The following TMEM131L variants were observed in gnomAD, a reference collection of about 807,000 sequenced individuals.
TMEM131L encodes the protein transmembrane 131 like.
TMEM131L carries 54 observed loss-of-function variants against 192.2 expected under a neutral mutation model. The ratio of observed to expected loss-of-function variants is 0.28; its 90% confidence interval spans 0.23 to 0.35. TMEM131L has a LOEUF of 0.35. Ranked by LOEUF, TMEM131L falls within the 10% of genes least tolerant of loss-of-function variation. TMEM131L has a pLI of 1.00. For missense variants in TMEM131L, 1,888 were observed against 1,972.9 expected (o/e 0.96, Z 0.82); for synonymous variants, 701 against 704.9 (o/e 0.99, Z 0.09).
At chr4:153,533,656 T>C (rs1736090498) in intron 3 of TMEM131L, among the ~76,000 whole-genome samples, 1 of 152,218 alleles carries the variant, frequency 6.6e-6, no homozygotes, top group Non-Finnish European at 1.5e-5. Context: ...GTTACCAACT[T>C]GGACCTCCTC....
At chr4:153,576,021 C>A (rs961307359) in intron 7 of TMEM131L, among the ~76,000 whole-genome samples, 6 of 151,790 alleles carry the variant, frequency 4.0e-5, no homozygotes, top group Admixed American at 6.6e-5. Flanking sequence ...GTGCAGTGGC[C>A]CGATCTCGGC....
chr4:153,480,208 G>T (rs1230814223), intron 3 of TMEM131L, among the ~76,000 whole-genome samples: 1 of 152,130 alleles, frequency 6.6e-6, no homozygotes, highest in South Asian at 2.1e-4. Context: ...GCGTGGTGGC[G>T]GACGCCTGTA....
rs1730513544 is a variant in TMEM131L, at chr4:153,583,636, A to G, written c.1024A>G (p.Thr342Ala). Reference sequence around the variant, plus strand: ...ACCAGTACTACTACCTACTTCTACAACAAACTTTACAAAAATTGCTTCTTT... The same window carrying G: ...ACCAGTACTACTACCTACTTCTACAGCAAACTTTACAAAAATTGCTTCTTT... ...FEPVLLPTSTTNFTKIASFTC... is the reference protein window; with the variant it reads ...FEPVLLPTSTANFTKIASFTC... The change falls in exon 11 of 35, where the codon ACA (threonine) becomes GCA (alanine). Residue 342 changes from threonine to alanine, a missense_variant. Physicochemically the swap from Thr to Ala is moderately conservative, Grantham distance 58. Transcript: ENST00000409959. The G allele has an allele frequency of 6.2e-7, 1 of 1,606,974 alleles. No homozygotes were observed. The highest frequency in any genetic ancestry group is 1.3e-5 in the African/African-American group (1 of 74,628).
At position 153,581,448 on chromosome 4, in the gene TMEM131L, G is replaced by T; in HGVS notation, c.780G>T (p.Met260Ile). 1 of 1,586,932 alleles carries T rather than the reference G, an allele frequency of 6.3e-7. No individual in the cohort carries two copies. The highest frequency in any genetic ancestry group is 1.2e-5 in the South Asian group (1 of 86,824). ...LESDDVLRLQ[M>I]SIMVTMENFS... ...CTGATGATGTTTTGCGTCTACAAAT[G>T]AGCATAATGGTAACAATGGAAAACT... The change falls in exon 9 of 35, where the codon ATG becomes ATT. Residue 260 changes from methionine to isoleucine, a missense_variant. By Grantham distance (10) the Met-to-Ile change is conservative. Transcript: ENST00000409959.
intron 4 of TMEM131L, among the ~76,000 whole-genome samples, chr4:153,553,665 C>T (rs138437970): frequency 2.2e-3 from 333 of 152,290 alleles, no homozygotes; most frequent in African/African-American, 7.7e-3. Context: ...CAAATCCCAA[C>T]CCTCTTCATA....
At chr4:153,583,086 G>T in intron 9 of TMEM131L, 104 bp from the exon 10 acceptor site, 1 of 711,220 alleles carries the variant, frequency 1.4e-6, no homozygotes. Context: ...ATAGAAATGT[G>T]TAATGTGGTA....
chr4:153,516,711 A>G (rs13125518), intron 3 of TMEM131L, among the ~76,000 whole-genome samples: 50,641 of 152,124 alleles, frequency 0.33, 10,363 homozygotes, highest in Non-Finnish European at 0.44. Flanking sequence ...CTTGCCCTCC[A>G]GAAAGGTTGT....
At chr4:153,481,297 C>T (rs977846025) in intron 3 of TMEM131L, among the ~76,000 whole-genome samples, 1 of 152,170 alleles carries the variant, frequency 6.6e-6, no homozygotes, top group Admixed American at 6.5e-5. Flanking sequence ...GTCTCATGCA[C>T]CTGTCTCCCT....
chr4:153,585,769 C>CT (rs1340828570), intron 13 of TMEM131L, among the ~76,000 whole-genome samples, 158 bp downstream of exon 13: 1 of 151,884 alleles, frequency 6.6e-6, no homozygotes, highest in African/African-American at 2.4e-5. Flanking sequence ...ATGTATTTTT[C>CT]TTTTAACATT....
intron 3 of TMEM131L, 143 bp downstream of exon 3, chr4:153,474,031 A>G (rs1429979070): frequency 3.8e-6 from 2 of 522,360 alleles, no homozygotes; most frequent in Non-Finnish European, 6.8e-6. Context: ...TGTCGTATCT[A>G]TACCTTCTAA....
At position 153,562,279 on chromosome 4, in the gene TMEM131L, G is replaced by A. The variant is rs913035070; in HGVS notation, c.660+3911G>A. On this transcript the variant is annotated intron_variant, in intron 7 of 34. Coordinates refer to ENST00000409959, the MANE Select transcript of TMEM131L (RefSeq NM_001131007.2). Reference sequence around the variant, plus strand: ...TCTCAAACTCCTGACCTCGTGATCCGCCCACCTCGGCCTCCTAAAGTGCTG... The same window carrying A: ...TCTCAAACTCCTGACCTCGTGATCCACCCACCTCGGCCTCCTAAAGTGCTG... Among the ~76,000 whole-genome samples, 29 of 151,976 alleles carry A rather than the reference G, an allele frequency of 1.9e-4. 1 individual carries two copies. Among genetic ancestry groups the A allele is most frequent in the African/African-American group, 6.0e-4 (25 of 41,382 alleles).
At chr4:153,524,131 GTT>G (rs57178282) in intron 3 of TMEM131L, among the ~76,000 whole-genome samples, 9,044 of 122,600 alleles carry the variant, frequency 0.074, 500 homozygotes, top group East Asian at 0.22. Context: ...TTTCACTTCT[GTT>G]TTTTTTTTTT....
chr4:153,529,890 C>T (rs1041008040), intron 3 of TMEM131L, among the ~76,000 whole-genome samples: 1 of 152,228 alleles, frequency 6.6e-6, no homozygotes. Context: ...GGCTGTTACA[C>T]AAGATGTTAC....
intron 3 of TMEM131L, among the ~76,000 whole-genome samples, chr4:153,542,062 A>G (rs555577730): frequency 3.3e-5 from 5 of 152,348 alleles, no homozygotes; most frequent in East Asian, 1.9e-4. Flanking sequence ...AAATGTACCA[A>G]TGCAGTAAAG....
intron 19 of TMEM131L, among the ~76,000 whole-genome samples, chr4:153,594,575 T>G (rs551023562): frequency 6.6e-6 from 1 of 152,312 alleles, no homozygotes; most frequent in East Asian, 1.9e-4. Context: ...ACATGTAAAC[T>G]CACATATGCG....
chr4:153,500,857 A>G (rs1733555141), intron 3 of TMEM131L, among the ~76,000 whole-genome samples: 1 of 152,162 alleles, frequency 6.6e-6, no homozygotes, highest in Non-Finnish European at 1.5e-5. Flanking sequence ...TAGTTGTGAA[A>G]ATCGATGGAA....
At chr4:153,629,844 C>T (rs1377244789) in intron 31 of TMEM131L, among the ~76,000 whole-genome samples, 2 of 152,174 alleles carry the variant, frequency 1.3e-5, no homozygotes, top group Non-Finnish European at 2.9e-5. Flanking sequence ...CTCCAGAGAG[C>T]AGGCCTTGGT....
chr4:153,535,624 T>C (rs796114610), intron 3 of TMEM131L, among the ~76,000 whole-genome samples: 15 of 152,266 alleles, frequency 9.9e-5, no homozygotes, highest in African/African-American at 3.6e-4. Flanking sequence ...GGAAATATGC[T>C]GTTTGAATCA....
intron 21 of TMEM131L, among the ~76,000 whole-genome samples, chr4:153,600,463 T>C (rs1268609893): frequency 6.6e-6 from 1 of 152,202 alleles, no homozygotes; most frequent in East Asian, 1.9e-4. Context: ...GTCTAATGGC[T>C]ACTGTAACAG....
Sources: gnomAD v4.1 joint callset for allele counts (sites outside exome capture counted in the v4.1 genomes callset) on GRCh38, gnomAD v4.1.1 for gene constraint, MANE v1.5 for transcripts, NCBI Gene and HGNC (gene_info 2026-07-23, HGNC 2026-07-21) for gene names.